SYN3: variants seen among roughly 807,000 people sequenced by gnomAD.
The protein encoded by SYN3 is synapsin-3.
A neutral mutation model predicts 65.8 loss-of-function variants in SYN3; 35 were observed. The ratio of observed to expected loss-of-function variants is 0.53; its 90% CI spans 0.41 to 0.70. The LOEUF is 0.70. Ranked by LOEUF, SYN3 falls within the 30% of genes least tolerant of loss-of-function variation. The pLI, the probability that SYN3 is intolerant of heterozygous loss-of-function variation, is 0.00. For missense variants in SYN3, 680 were observed against 749.0 expected (o/e 0.91, Z 1.08); for synonymous variants, 270 against 292.9 (o/e 0.92, Z 0.80).
chr22:32,515,090 G>A (rs2057750168), intron 13 of SYN3, among the ~76,000 whole-genome samples: 1 of 152,172 alleles, frequency 6.6e-6, no homozygotes, highest in African/African-American at 2.4e-5. Flanking sequence ...ACCCCTCAGA[G>A]AGTCTTATCT....
At chr22:32,800,418 A>C (rs2145921456) in intron 6 of SYN3, among the ~76,000 whole-genome samples, 1 of 152,320 alleles carries the variant, frequency 6.6e-6, no homozygotes, top group South Asian at 2.1e-4. Context: ...GCTGGCCACC[A>C]ATCATCCCAT....
intron 6 of SYN3, among the ~76,000 whole-genome samples, chr22:32,719,518 A>C (rs967643790): frequency 3.9e-5 from 6 of 152,240 alleles, no homozygotes; most frequent in African/African-American, 1.4e-4. Context: ...AATGCCCAGC[A>C]TATAGTAAAT....
chr22:32,585,470 C>A (rs1468092266), intron 7 of SYN3, among the ~76,000 whole-genome samples: 1 of 152,162 alleles, frequency 6.6e-6, no homozygotes, highest in Non-Finnish European at 1.5e-5. Flanking sequence ...TGAGGAAAAT[C>A]ATGAAATAAG....
chr22:32,938,857 T>G (rs2050852381), intron 3 of SYN3, among the ~76,000 whole-genome samples: 2 of 147,422 alleles, frequency 1.4e-5, no homozygotes, highest in Admixed American at 7.0e-5. Context: ...GAACATGGGA[T>G]GCGGAGGTTG....
intron 6 of SYN3, among the ~76,000 whole-genome samples, chr22:32,706,870 C>T (rs768799825): frequency 5.3e-5 from 8 of 152,172 alleles, no homozygotes; most frequent in Non-Finnish European, 8.8e-5. Flanking sequence ...CTCACCCCAA[C>T]CCTACTCTCT....
At chr22:32,996,833 C>A (rs1007152077) in intron 2 of SYN3, among the ~76,000 whole-genome samples, 2 of 152,190 alleles carry the variant, frequency 1.3e-5, no homozygotes, top group Middle Eastern at 3.2e-3. Context: ...TCTGGCTGCC[C>A]GGAGGGCTCC....
At chr22:32,712,222 A>G (rs2060975663) in intron 6 of SYN3, among the ~76,000 whole-genome samples, 1 of 152,210 alleles carries the variant, frequency 6.6e-6, no homozygotes, top group African/African-American at 2.4e-5. Flanking sequence ...TTTCAGCTCA[A>G]ATATTAGCTC....
chr22:32,679,839 C>CT (rs747116076), intron 6 of SYN3, among the ~76,000 whole-genome samples: 943 of 39,138 alleles, frequency 0.024, 77 homozygotes, highest in African/African-American at 0.08. Context: ...TGTTTTTTGG[C>CT]TTTTTTTTTT....
intron 6 of SYN3, among the ~76,000 whole-genome samples, chr22:32,817,687 T>C (rs1270556704): frequency 6.6e-6 from 1 of 152,214 alleles, no homozygotes; most frequent in East Asian, 1.9e-4. Context: ...TTTTATAATC[T>C]TGCTTGGCTC....
At chr22:32,902,413 C>A (rs2049785184) in intron 4 of SYN3, among the ~76,000 whole-genome samples, 1 of 152,144 alleles carries the variant, frequency 6.6e-6, no homozygotes, top group Non-Finnish European at 1.5e-5. Context: ...GGGATGGCAA[C>A]ATGGGTATTC....
chr22:33,003,003 A>G (rs569307655), intron 2 of SYN3, among the ~76,000 whole-genome samples: 4 of 152,250 alleles, frequency 2.6e-5, no homozygotes, highest in African/African-American at 9.6e-5. Context: ...ATGGTTTTAT[A>G]ATGTGCTTCC....
intron 6 of SYN3, among the ~76,000 whole-genome samples, chr22:32,718,954 C>A (rs1471175204): frequency 6.6e-6 from 1 of 152,216 alleles, no homozygotes; most frequent in African/African-American, 2.4e-5. Context: ...CCCAAACATG[C>A]TATGCATATT....
At chr22:32,663,500 G>C (rs1049755461) in intron 6 of SYN3, among the ~76,000 whole-genome samples, 3 of 151,906 alleles carry the variant, frequency 2.0e-5, no homozygotes, top group South Asian at 4.2e-4. Context: ...GGGTTTCACC[G>C]TGTTAGCCAG....
At chr22:32,817,211 C>G (rs1378474430) in intron 6 of SYN3, among the ~76,000 whole-genome samples, 2 of 146,872 alleles carry the variant, frequency 1.4e-5, no homozygotes, top group African/African-American at 2.5e-5. Context: ...GAGCAAGACT[C>G]TATCTCAAAA....
intron 4 of SYN3, among the ~76,000 whole-genome samples, chr22:32,902,776 T>A (rs137530): frequency 0.91 from 138,826 of 151,978 alleles, 63,469 homozygotes; most frequent in African/African-American, 0.95. Context: ...TCTGAGCTCC[T>A]TTTTCCACAT....
At chr22:32,913,453 C>A (rs769021998) in intron 4 of SYN3, among the ~76,000 whole-genome samples, 2 of 151,966 alleles carry the variant, frequency 1.3e-5, no homozygotes, top group Middle Eastern at 3.4e-3. Flanking sequence ...CCACCCCGCA[C>A]AGCCAAGTCT....
At chr22:32,754,044 C>T (rs965340642) in intron 6 of SYN3, among the ~76,000 whole-genome samples, 6 of 152,210 alleles carry the variant, frequency 3.9e-5, no homozygotes, top group South Asian at 2.1e-4. Context: ...TCGAAGTCCC[C>T]GGACCATGGT....
intron 6 of SYN3, among the ~76,000 whole-genome samples, chr22:32,821,459 G>C (rs1247347119): frequency 6.6e-6 from 1 of 152,232 alleles, no homozygotes; most frequent in African/African-American, 2.4e-5. Context: ...CTCATAGCCA[G>C]AGTTGATAGA....
intron 3 of SYN3, among the ~76,000 whole-genome samples, chr22:32,934,155 T>G (rs1212638701): frequency 1.3e-5 from 2 of 152,120 alleles, no homozygotes; most frequent in Admixed American, 6.5e-5. Context: ...AAAGAAGAAT[T>G]AAGAAGAAAA....
Sources: allele counts gnomAD v4.1 joint callset (sites outside exome capture counted in the v4.1 genomes callset), GRCh38; gene constraint gnomAD v4.1.1; transcripts MANE v1.5; gene names NCBI Gene and HGNC (gene_info 2026-07-23, HGNC 2026-07-21).